The following PRF1 variants were observed in gnomAD, a reference collection of about 807,000 sequenced individuals.
PRF1 encodes the protein perforin 1, also known as perforin-1.
A neutral mutation model predicts 11.7 loss-of-function variants in PRF1; 11 were observed. That is an observed-to-expected ratio of 0.94 (90% confidence interval 0.59 to 1.56). The LOEUF (loss-of-function observed/expected upper bound fraction) is 1.56. PRF1 is among the 40% of genes most tolerant of loss of function. The pLI is 0.00. For synonymous variants in PRF1, 314 were observed against 327.8 expected (o/e 0.96, Z 0.45); for missense variants, 729 against 751.0 (o/e 0.97, Z 0.34).
In PRF1 at chr10:70,599,230, A is replaced by T. The variant is rs1281999906; in HGVS notation, c.540-49T>A. On this transcript the variant is annotated intron_variant, in intron 2 of 2. Coordinates refer to ENST00000441259, the MANE Select transcript of PRF1 (RefSeq NM_001083116.3). Reference sequence around the variant, plus strand: ...CTGGGCCCAGGGGAGTATTTCCCCCATTCAATCAAATAACTCCTTCAGGAC... The same window carrying T: ...CTGGGCCCAGGGGAGTATTTCCCCCTTTCAATCAAATAACTCCTTCAGGAC... 1.9e-6 allele frequency: 3 copies of T among 1,602,684 alleles called. No homozygotes were observed. In the Admixed American group the frequency reaches 5.1e-5, roughly 27 times the overall value.
chr10:70,602,477 A>G (rs1848245022), intron 1 of PRF1, among the ~76,000 whole-genome samples, 168 bp downstream of exon 1: 5 of 152,110 alleles, frequency 3.3e-5, no homozygotes, highest in Admixed American at 3.3e-4. Context: ...CATTTCATAC[A>G]TGAGGAAACT....
chr10:70,601,038 A>G, intron 1 of PRF1, 106 bp from the exon 2 acceptor site: 2 of 1,425,428 alleles, frequency 1.4e-6, no homozygotes, highest in Non-Finnish European at 1.9e-6. Flanking sequence ...CTCTTAAGTC[A>G]TTATTCAATG....
At position 70,600,726 on chromosome 10, in the gene PRF1, G is replaced by C; in HGVS notation, c.177C>G (p.Phe59Leu). 6.2e-7 allele frequency: 1 copy of C among 1,613,802 alleles called. No individual in the cohort carries two copies. The highest frequency in any genetic ancestry group is 8.5e-7 in the Non-Finnish European group (1 of 1,179,818). Residue 59 changes from phenylalanine to leucine, a missense_variant, in exon 2 of 3, where the codon TTC becomes TTG. Phe to Leu is a conservative substitution (Grantham distance 22, BLOSUM62 0). Coordinates refer to ENST00000441259, the MANE Select transcript of PRF1 (RefSeq NM_001083116.3). This position sits in a 1 kb window ranked among gnomAD's most constrained non-coding sequence, Gnocchi z 4.9. ...DVTSLRRSGS[F>L]PVDTQRFLRP... Reference sequence around the variant, plus strand: ...GCAGGAACCTTTGTGTGTCCACTGGGAAGGAGCCCGAGCGGCGGAGGCTGG... The same window carrying C: ...GCAGGAACCTTTGTGTGTCCACTGGCAAGGAGCCCGAGCGGCGGAGGCTGG...
rs146815977 is a variant in PRF1, at chr10:70,602,246, G to A, written c.-31+399C>T. On this transcript the variant is annotated intron_variant, in intron 1 of 2. Coordinates refer to ENST00000441259, the MANE Select transcript of PRF1 (RefSeq NM_001083116.3). ...GTGTGACTTGAAGGGTGGAATTTCA[G>A]GCAGCGTGGCTCGCCCCAGGGAGGC... 3.0e-3 allele frequency among the ~76,000 whole-genome samples: 451 copies of A among 152,284 alleles called. 2 individuals carry two copies. The highest frequency in any genetic ancestry group is 0.01 in the African/African-American group (424 of 41,554).
In PRF1 at chr10:70,598,862, T is replaced by G. The variant is rs2132476286; in HGVS notation, c.859A>C (p.Lys287Gln). ...GTTTGGTGGAAGGAGGCCGTCATCT[T>G]GTGCTTCTTCTTCTTCTCCTCACAG... ...KACEEKKKKH[K>Q]MTASFHQTYR... The change falls in exon 3 of 3, where the codon AAG (lysine) becomes CAG (glutamine). Residue 287 changes from lysine (K) to glutamine (Q), a missense_variant. Lys to Gln is a moderately conservative substitution (Grantham distance 53, BLOSUM62 1). Coordinates refer to ENST00000441259, the MANE Select transcript of PRF1 (RefSeq NM_001083116.3). The G allele has an allele frequency of 6.2e-7, 1 of 1,614,248 alleles. No homozygotes were observed.
chr10:70,598,721 C>T lies in PRF1; in HGVS notation c.1000G>A (p.Gly334Ser), dbSNP rs145463632. ...QYSAWVNSLP[G>S]SPGLVDYTLE... ...GTGTAGTCCACCAGGCCAGGGCTGC[C>T]GGGCAGCGAGTTTACCCAGGCTGAG... Residue 334 changes from glycine (G) to serine (S), a missense_variant, in exon 3 of 3, where the codon GGC becomes AGC. Gly to Ser is a moderately conservative substitution (Grantham distance 56). Transcript: ENST00000441259. 622 of 1,614,056 alleles carry T rather than the reference C, an allele frequency of 3.9e-4. No individual in the cohort carries two copies. Among genetic ancestry groups the T allele is most frequent in the Admixed American group, 5.3e-4 (32 of 60,010 alleles).
At position 70,597,856 on chromosome 10, in the gene PRF1, A is replaced by T; in HGVS notation, c.*197T>A. 1.5e-6 allele frequency: 1 copy of T among 679,508 alleles called. No homozygotes were observed. The highest frequency in any genetic ancestry group is 2.5e-6 in the Non-Finnish European group (1 of 405,832). 42.1% of individuals were successfully genotyped at this position (679,508 alleles called of 1,614,324 possible). On this transcript the variant is annotated 3_prime_UTR_variant, in exon 3 of 3. Transcript: ENST00000441259. ...TAGCCGATGAGCTAAAAAAAAAAAA[A>T]AAATAGCAAAAAGAAACTCATAATG...
At position 70,597,687 on chromosome 10, in the gene PRF1, G is replaced by T; in HGVS notation, c.*366C>A. ...TTGGACAGGGTGAATCGGGATTAGC[G>T]TGTAAACCCAGCCACCTCCCTGAAA... is the stretch of plus-strand genomic sequence containing the variant. On this transcript the variant is annotated 3_prime_UTR_variant, in exon 3 of 3. Coordinates refer to ENST00000441259, the MANE Select transcript of PRF1 (RefSeq NM_001083116.3). The T allele has an allele frequency of 1.7e-6, 1 of 595,228 alleles. No homozygotes were observed. Among genetic ancestry groups the T allele is most frequent in the Non-Finnish European group, 3.0e-6 (1 of 337,368 alleles). The allele number at this position is 595,228 out of a possible 1,614,324, so 36.9% of individuals were successfully genotyped here. A position where few individuals can be genotyped will look rare whatever the true frequency, so the allele number is the denominator to read the frequency against.
chr10:70,600,780 T>C lies in PRF1; in HGVS notation c.123A>G (p.Ala41=), dbSNP rs1482599935. 4.3e-6 allele frequency: 7 copies of C among 1,611,150 alleles called. No homozygotes were observed. Among genetic ancestry groups the C allele is most frequent in the South Asian group, 1.1e-5 (1 of 90,840 alleles). Reference sequence around the variant, plus strand: ...CGTCCACACCCTCCCCGGCCAGCCATGCACCAGGCACGAACTTGTGGCTGC... The same window carrying C: ...CGTCCACACCCTCCCCGGCCAGCCACGCACCAGGCACGAACTTGTGGCTGC... ...CKRSHKFVPG[A]WLAGEGVDVT... The change falls in exon 2 of 3, where the codon GCA becomes GCG. Residue 41 remains alanine (A), a synonymous_variant. Transcript: ENST00000441259. The surrounding 1 kb of genome is among the most constrained non-coding windows in gnomAD (Gnocchi z 4.9).
chr10:70,598,855 G>C lies in PRF1; in HGVS notation c.866C>G (p.Thr289Arg). 1 of 1,614,260 alleles carries C rather than the reference G, an allele frequency of 6.2e-7. No individual in the cohort carries two copies. The highest frequency in any genetic ancestry group is 1.3e-5 in the African/African-American group (1 of 75,074). Residue 289 changes from threonine (T) to arginine (R), a missense_variant, in exon 3 of 3, where the codon ACG (threonine) becomes AGG (arginine). Coordinates refer to ENST00000441259, the MANE Select transcript of PRF1 (RefSeq NM_001083116.3). ...CCGGTAGGTTTGGTGGAAGGAGGCCGTCATCTTGTGCTTCTTCTTCTTCTC... is the reference window on the plus strand; with the variant it reads ...CCGGTAGGTTTGGTGGAAGGAGGCCCTCATCTTGTGCTTCTTCTTCTTCTC... Reference protein sequence around the residue: ...CEEKKKKHKMTASFHQTYRER... With the variant: ...CEEKKKKHKMRASFHQTYRER...
In PRF1 at chr10:70,597,648, A is replaced by T. The variant is rs1848143183; in HGVS notation, c.*405T>A. On this transcript the variant is annotated 3_prime_UTR_variant, in exon 3 of 3. Coordinates refer to ENST00000441259, the MANE Select transcript of PRF1 (RefSeq NM_001083116.3). ...TGACTGCAGGGCTTGAGAATGGCGG[A>T]GGGCTTAGGCAGTTTGGACAGGGTG... 1.8e-6 allele frequency: 1 copy of T among 570,164 alleles called. No homozygotes were observed. Among genetic ancestry groups the T allele is most frequent in the Non-Finnish European group, 3.1e-6 (1 of 325,380 alleles). 35.3% of individuals were successfully genotyped at this position (570,164 alleles called of 1,614,324 possible). A position where few individuals can be genotyped will look rare whatever the true frequency, so the allele number is the denominator to read the frequency against.
Position 70,600,668 on chromosome 10 carries a change from C to A in PRF1, c.235G>T (p.Ala79Ser). 1 of 1,613,842 alleles carries A rather than the reference C, an allele frequency of 6.2e-7. No individual in the cohort carries two copies. Among genetic ancestry groups the A allele is most frequent in the South Asian group, 1.1e-5 (1 of 91,068 alleles). ...CGCTGGAGGGTGCCCTCCTGTAGGG[C>A]ATTTTCACAGAGGGTGCAGGTGCCG... is the stretch of plus-strand genomic sequence containing the variant. ...PDGTCTLCENALQEGTLQRLP... is the reference protein window; with the variant it reads ...PDGTCTLCENSLQEGTLQRLP... Residue 79 changes from alanine to serine, a missense_variant, in exon 2 of 3, where the codon GCC becomes TCC. Ala to Ser is a moderately conservative substitution (Grantham distance 99, BLOSUM62 1). Coordinates refer to ENST00000441259, the MANE Select transcript of PRF1 (RefSeq NM_001083116.3). The surrounding 1 kb of genome is among the most constrained non-coding windows in gnomAD (Gnocchi z 4.9).
At position 70,597,389 on chromosome 10, in the gene PRF1, T is replaced by C. The variant is rs886047106; in HGVS notation, c.*664A>G. 6.8e-5 allele frequency: 21 copies of C among 307,104 alleles called. No homozygotes were observed. The highest frequency in any genetic ancestry group is 1.7e-4 in the African/African-American group (8 of 47,282). 19.0% of individuals were successfully genotyped at this position (307,104 alleles called of 1,614,324 possible). A position where few individuals can be genotyped will look rare whatever the true frequency, so the allele number is the denominator to read the frequency against. Reference sequence around the variant, plus strand: ...TTTATTGGCCCTTTATCAAGCTATGTACATGGTGAGACAGGTCAGGACAGG... The same window carrying C: ...TTTATTGGCCCTTTATCAAGCTATGCACATGGTGAGACAGGTCAGGACAGG... On this transcript the variant is annotated 3_prime_UTR_variant, in exon 3 of 3. Transcript: ENST00000441259.
intron 2 of PRF1, 39 bp from the exon 3 acceptor site, chr10:70,599,220 TA>T (rs1848184863): frequency 6.2e-7 from 1 of 1,609,118 alleles, no homozygotes; most frequent in Non-Finnish European, 8.5e-7. Context: ...CCCAGGGGAG[TA>T]TTTCCCCCAT....
At chr10:70,602,553 T>A (rs1485666427) in intron 1 of PRF1, 92 bp downstream of exon 1, 1 of 152,088 alleles carries the variant, frequency 6.6e-6, no homozygotes, top group East Asian at 1.9e-4. Context: ...GACCCAGGTG[T>A]CTTGTCTTAT....
At chr10:70,601,840 A>AGAAAAAAAAG (rs774220924) in intron 1 of PRF1, among the ~76,000 whole-genome samples, 1 of 97,764 alleles carries the variant, frequency 1.0e-5, no homozygotes, top group East Asian at 2.8e-4. Flanking sequence ...AAAAAAAAAA[A>AGAAAAAAAAG]AAAAAGGGGC....
Position 70,600,438 on chromosome 10 carries a change from G to A in PRF1, c.465C>T (p.Ala155=), listed in dbSNP as rs372962147. The change falls in exon 2 of 3, where the codon GCC becomes GCT. Residue 155 remains alanine (A), a synonymous_variant. Coordinates refer to ENST00000441259, the MANE Select transcript of PRF1 (RefSeq NM_001083116.3). This position sits in a 1 kb window ranked among gnomAD's most constrained non-coding sequence, Gnocchi z 4.9. ...GGTGGGTCTTCTGGGCTGCAAAGTT[G>A]GCTGCCTGTGAGTGTGAGCCGGCCA... ...VSVAGSHSQA[A]NFAAQKTHQD... 6.2e-7 allele frequency: 1 copy of A among 1,614,068 alleles called. No individual in the cohort carries two copies. Among genetic ancestry groups the A allele is most frequent in the African/African-American group, 1.3e-5 (1 of 74,936 alleles).
Position 70,600,334 on chromosome 10 carries a change from C to T in PRF1, c.539+30G>A. 6.2e-7 allele frequency: 1 copy of T among 1,613,518 alleles called. No homozygotes were observed. Among genetic ancestry groups the T allele is most frequent in the Middle Eastern group, 1.7e-4 (1 of 6,054 alleles). The stretch of plus-strand genomic sequence containing the variant: ...CACCCAGAGTTTCCCGCGCCTTTTC[C>T]AGCCCCCCACCCCTAGCCCCAGCTC... On this transcript the variant is annotated intron_variant, in intron 2 of 2. Coordinates refer to ENST00000441259, the MANE Select transcript of PRF1 (RefSeq NM_001083116.3). The surrounding 1 kb of genome is among the most constrained non-coding windows in gnomAD (Gnocchi z 4.9).
chr10:70,600,485 T>G lies in PRF1; in HGVS notation c.418A>C (p.Thr140Pro), dbSNP rs1390720384. The G allele has an allele frequency of 1.2e-6, 2 of 1,614,186 alleles. No homozygotes were observed. Among genetic ancestry groups the G allele is most frequent in the South Asian group, 1.1e-5 (1 of 91,074 alleles). Residue 140 changes from threonine (T) to proline (P), a missense_variant, in exon 2 of 3, where the codon ACC becomes CCC. Physicochemically the swap from Thr to Pro is conservative, Grantham distance 38. Transcript: ENST00000441259. The surrounding 1 kb of genome is among the most constrained non-coding windows in gnomAD (Gnocchi z 4.9). ...KVGLDVTPKPTSNVHVSVAGS... is the reference protein window; with the variant it reads ...KVGLDVTPKPPSNVHVSVAGS... Reference sequence around the variant, plus strand: ...GCCACAGACACATGCACATTGCTGGTGGGCTTAGGAGTCACGTCCAGCCCG... The same window carrying G: ...GCCACAGACACATGCACATTGCTGGGGGGCTTAGGAGTCACGTCCAGCCCG...
Sources: gnomAD v4.1 joint callset for allele counts (sites outside exome capture counted in the v4.1 genomes callset) on GRCh38, gnomAD v4.1.1 for gene constraint, Gnocchi (gnomAD v3.1) non-coding constraint, MANE v1.5 for transcripts, NCBI Gene and HGNC (gene_info 2026-07-23, HGNC 2026-07-21) for gene names.